The following CPQ variants were observed in gnomAD, a reference collection of about 807,000 sequenced individuals.
CPQ encodes Ser-Met dipeptidase.
CPQ carries 37 observed loss-of-function variants against 45.7 expected under a neutral mutation model. The observed-to-expected ratio is 0.81, with a 90% CI of 0.62 to 1.07. The LOEUF (loss-of-function observed/expected upper bound fraction) is 1.07, where lower values mean the gene tolerates loss of function less well. CPQ is among the 50% of genes least tolerant of loss of function. CPQ has a pLI of 0.00. For missense variants in CPQ, 537 were observed against 572.9 expected, an observed-to-expected ratio of 0.94 and a Z score of 0.64; for synonymous variants, 186 against 205.8, an observed-to-expected ratio of 0.90 and a Z score of 0.82.
intron 3 of CPQ, among the ~76,000 whole-genome samples, chr8:96,875,898 A>AT (rs1347108979): frequency 6.6e-6 from 1 of 152,010 alleles, no homozygotes; most frequent in Non-Finnish European, 1.5e-5. Context: ...GGGCATTGCC[A>AT]TGTTAACAAT....
chr8:96,751,042 G>C (rs1810251482), intron 1 of CPQ, among the ~76,000 whole-genome samples: 1 of 152,164 alleles, frequency 6.6e-6, no homozygotes, highest in Non-Finnish European at 1.5e-5. Context: ...ATCCTGGATG[G>C]TCATTTGGGT....
intron 1 of CPQ, among the ~76,000 whole-genome samples, chr8:96,755,296 G>A (rs1412733876): frequency 6.6e-6 from 1 of 151,842 alleles, no homozygotes; most frequent in Non-Finnish European, 1.5e-5. Flanking sequence ...CAATTATGAT[G>A]TTCTTGTGTT....
intron 3 of CPQ, among the ~76,000 whole-genome samples, chr8:96,857,479 G>A (rs891556874): frequency 7.9e-5 from 12 of 152,132 alleles, no homozygotes; most frequent in African/African-American, 1.9e-4. Context: ...AAGGATAAAC[G>A]ATCAGAGGAA....
At chr8:96,800,478 G>T (rs183653655) in intron 2 of CPQ, among the ~76,000 whole-genome samples, 2 of 152,118 alleles carry the variant, frequency 1.3e-5, no homozygotes, top group Admixed American at 1.3e-4. Flanking sequence ...CACTTTTCTG[G>T]TATATTTCCC....
chr8:96,910,506 T>A (rs757053197), intron 4 of CPQ, among the ~76,000 whole-genome samples: 2 of 152,186 alleles, frequency 1.3e-5, no homozygotes, highest in Non-Finnish European at 2.9e-5. Context: ...TATAATCTTT[T>A]TTTTCTCTCT....
At chr8:97,078,216 G>A (rs117095868) in intron 7 of CPQ, among the ~76,000 whole-genome samples, 3,654 of 152,118 alleles carry the variant, frequency 0.024, 52 homozygotes, top group Non-Finnish European at 0.037. Context: ...TATCATCCTG[G>A]CTTTCTGATA....
chr8:96,808,407 G>A (rs1222856534), intron 2 of CPQ, among the ~76,000 whole-genome samples: 3 of 152,192 alleles, frequency 2.0e-5, no homozygotes, highest in African/African-American at 4.8e-5. Flanking sequence ...AAGTCCCCTC[G>A]TCCTTGTCAT....
chr8:96,970,364 T>C (rs1813644774), intron 5 of CPQ, among the ~76,000 whole-genome samples: 1 of 152,190 alleles, frequency 6.6e-6, no homozygotes, highest in Non-Finnish European at 1.5e-5. Context: ...AGATTACTAT[T>C]GTAAGCATTG....
chr8:96,984,158 TTAAATAATATAG>T (rs1279477060), intron 5 of CPQ, among the ~76,000 whole-genome samples: 4 of 152,162 alleles, frequency 2.6e-5, no homozygotes, highest in African/African-American at 9.6e-5. Context: ...TTTGTCTTAA[TTAAATAATATAG>T]TAACCACAGA....
chr8:96,977,445 A>G (rs1444067025), intron 5 of CPQ, among the ~76,000 whole-genome samples: 1 of 151,902 alleles, frequency 6.6e-6, no homozygotes, highest in Admixed American at 6.6e-5. Context: ...TCTTTAAAGA[A>G]CTGAAAGCAG....
chr8:96,652,876 C>T (rs577610122), intron 1 of CPQ, among the ~76,000 whole-genome samples: 74 of 152,296 alleles, frequency 4.9e-4, no homozygotes, highest in African/African-American at 1.6e-3. Context: ...CCTCGTGATC[C>T]GCCCGCCTCA....
At chr8:96,747,606 A>C (rs969572162) in intron 1 of CPQ, among the ~76,000 whole-genome samples, 6 of 152,218 alleles carry the variant, frequency 3.9e-5, no homozygotes, top group Non-Finnish European at 7.3e-5. Flanking sequence ...ATTATTGGGC[A>C]CTACTTAGGA....
chr8:96,916,193 T>G (rs1812730669), intron 4 of CPQ, among the ~76,000 whole-genome samples: 1 of 152,140 alleles, frequency 6.6e-6, no homozygotes, highest in Non-Finnish European at 1.5e-5. Flanking sequence ...TTGTCCCAGT[T>G]GGCCCAAATT....
chr8:96,657,443 T>C (rs1472606162), intron 1 of CPQ, among the ~76,000 whole-genome samples: 1 of 152,222 alleles, frequency 6.6e-6, no homozygotes, highest in Non-Finnish European at 1.5e-5. Flanking sequence ...ATGTGGTTTT[T>C]ATTTGATTCA....
At chr8:97,136,227 A>G (rs1019091085) in intron 7 of CPQ, among the ~76,000 whole-genome samples, 18 of 152,296 alleles carry the variant, frequency 1.2e-4, no homozygotes, top group African/African-American at 4.3e-4. Flanking sequence ...AGGAAGAGGG[A>G]AAATAATCCA....
intron 2 of CPQ, among the ~76,000 whole-genome samples, chr8:96,791,702 G>T (rs1810847953): frequency 6.6e-6 from 1 of 152,212 alleles, no homozygotes; most frequent in South Asian, 2.1e-4. Flanking sequence ...AGGAGACAGT[G>T]TAAAGTTGGC....
chr8:97,096,852 A>C (rs1328861351), intron 7 of CPQ, among the ~76,000 whole-genome samples: 1 of 152,208 alleles, frequency 6.6e-6, no homozygotes, highest in African/African-American at 2.4e-5. Flanking sequence ...AAGGCCCAGG[A>C]AACTTTAAAC....
chr8:96,915,438 C>T (rs1474732258), intron 4 of CPQ, among the ~76,000 whole-genome samples: 1 of 152,146 alleles, frequency 6.6e-6, no homozygotes, highest in Non-Finnish European at 1.5e-5. Flanking sequence ...AAAAAAAGTT[C>T]ACTCTGAAAA....
At chr8:96,892,864 G>A (rs1188595523) in intron 4 of CPQ, among the ~76,000 whole-genome samples, 1 of 152,186 alleles carries the variant, frequency 6.6e-6, no homozygotes, top group Non-Finnish European at 1.5e-5. Context: ...GCAGGAGGAT[G>A]TGATCTTTCA....
Sources: gnomAD v4.1 joint callset for allele counts (sites outside exome capture counted in the v4.1 genomes callset) on GRCh38, gnomAD v4.1.1 for gene constraint, MANE v1.5 for transcripts, NCBI Gene and HGNC (gene_info 2026-07-23, HGNC 2026-07-21) for gene names.